The following JAZF1 variants were observed in gnomAD, a reference collection of about 807,000 sequenced individuals.
JAZF1 encodes the protein JAZF zinc finger 1.
Under a neutral mutation model 26.4 loss-of-function variants are expected in JAZF1, and 8 were observed. The ratio of observed to expected loss-of-function variants is 0.30; its 90% CI spans 0.18 to 0.55. The LOEUF (loss-of-function observed/expected upper bound fraction) is 0.55. Among genes scored for constraint, JAZF1 ranks in the 20% least tolerant of loss-of-function variants. The pLI is 0.94. For synonymous variants in JAZF1, 126 were observed against 122.3 expected (o/e 1.03, Z -0.20); for missense variants, 199 against 322.0 (o/e 0.62, Z 2.92).
In JAZF1 at chr7:27,982,742, C is replaced by T. The variant is rs538077781; in HGVS notation, c.188+9167G>A. On this transcript the variant is annotated intron_variant, in intron 2 of 4. Coordinates refer to ENST00000283928, the MANE Select transcript of JAZF1 (RefSeq NM_175061.4). ...CACCTCATACACCTCTGAGACGAAG[C>T]TTCCAGAGGAAGGATCAGGCAGCAA... Among the ~76,000 whole-genome samples, 7 of 152,262 alleles carry T rather than the reference C, an allele frequency of 4.6e-5. No individual in the cohort carries two copies. In the South Asian group the frequency reaches 1.0e-3, roughly 23 times the overall value.
At chr7:28,112,577 C>T (rs1583567145) in intron 1 of JAZF1, among the ~76,000 whole-genome samples, 1 of 97,768 alleles carries the variant, frequency 1.0e-5, no homozygotes, top group Admixed American at 1.1e-4. Flanking sequence ...AAGATAAGAT[C>T]AATTATGGGC....
chr7:28,059,998 TCTC>T (rs1368103330), intron 1 of JAZF1, among the ~76,000 whole-genome samples: 3 of 152,172 alleles, frequency 2.0e-5, no homozygotes, highest in African/African-American at 7.2e-5. Context: ...AATTCACTCT[TCTC>T]CTTGTCTTTT....
chr7:27,911,230 T>C (rs186974947), intron 2 of JAZF1, among the ~76,000 whole-genome samples: 1 of 152,326 alleles, frequency 6.6e-6, no homozygotes, highest in Admixed American at 6.5e-5. Context: ...CAGGTGGATA[T>C]CTGGATGTTA....
intron 1 of JAZF1, among the ~76,000 whole-genome samples, chr7:28,085,526 T>C (rs1784199879): frequency 6.6e-6 from 1 of 152,210 alleles, no homozygotes; most frequent in Admixed American, 6.5e-5. Flanking sequence ...GAAAATATCT[T>C]TGTTTCCCCA....
chr7:28,130,940 C>T (rs1486343003), intron 1 of JAZF1, among the ~76,000 whole-genome samples: 1 of 152,054 alleles, frequency 6.6e-6, no homozygotes, highest in African/African-American at 2.4e-5. Flanking sequence ...GGAATCAGAC[C>T]CATGGATCCC....
At chr7:27,910,525 G>A (rs897459378) in intron 2 of JAZF1, among the ~76,000 whole-genome samples, 1 of 152,164 alleles carries the variant, frequency 6.6e-6, no homozygotes. Context: ...CTGGCTCCCA[G>A]GAATGCATGC....
intron 2 of JAZF1, among the ~76,000 whole-genome samples, chr7:27,949,669 A>G (rs1238818659): frequency 1.3e-5 from 2 of 152,244 alleles, no homozygotes; most frequent in Non-Finnish European, 2.9e-5. Flanking sequence ...AGTCTGAGGC[A>G]TAAGAATTGC....
At chr7:28,147,792 A>G (rs1583585371) in intron 1 of JAZF1, among the ~76,000 whole-genome samples, 1 of 149,834 alleles carries the variant, frequency 6.7e-6, no homozygotes, top group Non-Finnish European at 1.5e-5. Context: ...GGCTGGGGGG[A>G]GGGGGGACAG....
chr7:27,947,949 C>G lies in JAZF1; in HGVS notation c.188+43960G>C, dbSNP rs139380870. ...CGGGCTAACTCTGCTTGCTTTCCTA[C>G]TTCTCTTTTCTTATCTTACACTTAG... On this transcript the variant is annotated intron_variant, in intron 2 of 4. Coordinates refer to ENST00000283928, the MANE Select transcript of JAZF1 (RefSeq NM_175061.4). Among the ~76,000 whole-genome samples, 301 of 152,274 alleles carry G rather than the reference C, an allele frequency of 2.0e-3. 2 individuals are homozygous for G. Among genetic ancestry groups the G allele is most frequent in the African/African-American group, 7.0e-3 (289 of 41,534 alleles).
At chr7:28,061,740 A>C (rs762350542) in intron 1 of JAZF1, among the ~76,000 whole-genome samples, 7 of 152,250 alleles carry the variant, frequency 4.6e-5, no homozygotes, top group Non-Finnish European at 8.8e-5. Flanking sequence ...GTGAAAACCC[A>C]GTATATTACA....
At chr7:28,158,207 A>AGG (rs1583590880) in intron 1 of JAZF1, among the ~76,000 whole-genome samples, 27 of 138,264 alleles carry the variant, frequency 2.0e-4, no homozygotes, top group African/African-American at 6.4e-4. Context: ...AGAGAGAGGG[A>AGG]GAGAGAGAGA....
At chr7:27,923,319 G>A (rs547650083) in intron 2 of JAZF1, among the ~76,000 whole-genome samples, 22 of 152,224 alleles carry the variant, frequency 1.4e-4, no homozygotes, top group African/African-American at 4.3e-4. Context: ...TTAAAACGTC[G>A]AGTTTCCAGA....
intron 1 of JAZF1, among the ~76,000 whole-genome samples, chr7:28,084,760 T>C (rs1412459372): frequency 1.3e-5 from 2 of 152,198 alleles, no homozygotes; most frequent in Non-Finnish European, 2.9e-5. Context: ...AAGAGGCAAT[T>C]TATGTTCTAG....
chr7:28,115,629 C>G (rs558864210), intron 1 of JAZF1, among the ~76,000 whole-genome samples: 138 of 152,290 alleles, frequency 9.1e-4, no homozygotes, highest in African/African-American at 3.2e-3. Flanking sequence ...AGACATGTAA[C>G]TTATTTTTTG....
chr7:28,148,061 ATC>A (rs1174049536), intron 1 of JAZF1, among the ~76,000 whole-genome samples: 2 of 141,728 alleles, frequency 1.4e-5, no homozygotes, highest in Admixed American at 1.4e-4. Flanking sequence ...ATGTCACTTT[ATC>A]ACATGTTTCT....
chr7:28,095,769 C>T (rs768940206), intron 1 of JAZF1, among the ~76,000 whole-genome samples: 29 of 152,186 alleles, frequency 1.9e-4, no homozygotes, highest in Non-Finnish European at 1.0e-4. Flanking sequence ...CTTAGGCTGC[C>T]ATAACAGAAT....
At chr7:27,857,654 T>G (rs1783296010) in intron 3 of JAZF1, among the ~76,000 whole-genome samples, 1 of 152,206 alleles carries the variant, frequency 6.6e-6, no homozygotes. Flanking sequence ...CATGATTATC[T>G]CAATAGATGC....
intron 3 of JAZF1, among the ~76,000 whole-genome samples, chr7:27,891,692 T>C (rs1410859083): frequency 6.6e-6 from 1 of 151,928 alleles, no homozygotes; most frequent in African/African-American, 2.4e-5. Context: ...AAGTGGGCAT[T>C]GTGGCATGTG....
At chr7:28,152,555 A>G (rs1783127124) in intron 1 of JAZF1, among the ~76,000 whole-genome samples, 1 of 152,124 alleles carries the variant, frequency 6.6e-6, no homozygotes, top group South Asian at 2.1e-4. Flanking sequence ...TCTATCTCCC[A>G]TTGACTCAGA....
Sources: gnomAD v4.1 joint callset for allele counts (sites outside exome capture counted in the v4.1 genomes callset) on GRCh38, gnomAD v4.1.1 for gene constraint, MANE v1.5 for transcripts, NCBI Gene and HGNC (gene_info 2026-07-23, HGNC 2026-07-21) for gene names.